The following SUMO2 variants were observed in gnomAD, a reference collection of about 807,000 sequenced individuals.
SUMO2 encodes small ubiquitin-related modifier 2.
In SUMO2, 1 loss-of-function variant was observed where a neutral mutation model predicts 16.0. That is an observed-to-expected ratio of 0.06 (90% confidence interval 0.02 to 0.30). The LOEUF (loss-of-function observed/expected upper bound fraction) is 0.30. Among genes scored for constraint, SUMO2 ranks in the 10% least tolerant of loss-of-function variants. The pLI is 1.00. For synonymous variants in SUMO2, 36 were observed against 40.6 expected (o/e 0.89, Z 0.43); for missense variants, 16 against 117.5 (o/e 0.14, Z 3.99).
chr17:75,180,920 G>A lies in SUMO2; in HGVS notation c.153+137C>T, dbSNP rs2094974143. On this transcript the variant is annotated intron_variant, in intron 2 of 3. Coordinates refer to ENST00000420826, the MANE Select transcript of SUMO2 (RefSeq NM_006937.4). ...CGAGCTATCAATATACCAAGTGCACGACAAAACTGACGTGCCAAGTGCATA... is the reference window on the plus strand; with the variant it reads ...CGAGCTATCAATATACCAAGTGCACAACAAAACTGACGTGCCAAGTGCATA... 5.1e-6 allele frequency: 5 copies of A among 979,190 alleles called. No homozygotes were observed. The South Asian group carries it at 6.6e-5, about 13-fold the overall frequency. The allele number at this position is 979,190 out of a possible 1,614,324, so 60.7% of individuals were successfully genotyped here.
chr17:75,177,293 G>A (rs1358536254), intron 2 of SUMO2, among the ~76,000 whole-genome samples: 1 of 152,044 alleles, frequency 6.6e-6, no homozygotes, highest in Non-Finnish European at 1.5e-5. Flanking sequence ...CTTGAACCCA[G>A]GAGCAGAGGT....
chr17:75,182,035 C>T (rs1278469152), intron 1 of SUMO2, among the ~76,000 whole-genome samples: 1 of 152,090 alleles, frequency 6.6e-6, no homozygotes, highest in Non-Finnish European at 1.5e-5. Flanking sequence ...ATGGGTGTCC[C>T]CAAGTCCTCC....
intron 1 of SUMO2, among the ~76,000 whole-genome samples, chr17:75,181,674 A>T (rs1402232025): frequency 1.3e-5 from 2 of 152,116 alleles, no homozygotes; most frequent in African/African-American, 4.8e-5. Context: ...ACCTAAATCC[A>T]ATCTCCATTA....
intron 2 of SUMO2, among the ~76,000 whole-genome samples, chr17:75,180,066 C>A (rs2074814903): frequency 1.3e-5 from 2 of 152,112 alleles, no homozygotes; most frequent in Admixed American, 6.6e-5. Flanking sequence ...AGGGGCCAGG[C>A]ACAGTGGCCC....
chr17:75,182,798 C>A lies in SUMO2; in HGVS notation c.21+16G>T. The A allele has an allele frequency of 7.3e-7, 1 of 1,376,124 alleles. No homozygotes were observed. Among genetic ancestry groups the A allele is most frequent in the Non-Finnish European group, 9.5e-7 (1 of 1,057,098 alleles). 85.2% of individuals were successfully genotyped at this position (1,376,124 alleles called of 1,614,324 possible). The stretch of plus-strand genomic sequence containing the variant: ...CCCACCGCGCGGCGAGGCGAAGGGG[C>A]CGGCGGCGAGCTCACCTTGGGCTTT... On this transcript the variant is annotated intron_variant, in intron 1 of 3. Coordinates refer to ENST00000420826, the MANE Select transcript of SUMO2 (RefSeq NM_006937.4).
At chr17:75,174,200 G>T (rs1166029576) in intron 3 of SUMO2, among the ~76,000 whole-genome samples, 1 of 152,152 alleles carries the variant, frequency 6.6e-6, no homozygotes, top group East Asian at 1.9e-4. Flanking sequence ...GACCAGCCTG[G>T]CCAACATGGT....
Position 75,166,220 on chromosome 17 carries a change from A to C in SUMO2, c.*2119T>G, listed in dbSNP as rs1266034152. ...GCCGGGCACAGTGGCTCAAGCCTGT[A>C]ATCTCAGCACTTTGGGAGGCCAAGG... is the stretch of plus-strand genomic sequence containing the variant. On this transcript the variant is annotated 3_prime_UTR_variant, in exon 4 of 4. Coordinates refer to ENST00000420826, the MANE Select transcript of SUMO2 (RefSeq NM_006937.4). 1 of 152,228 alleles carries C rather than the reference A, an allele frequency of 6.6e-6. No individual in the cohort carries two copies. The highest frequency in any genetic ancestry group is 1.5e-5 in the Non-Finnish European group (1 of 68,102). 9.4% of individuals were successfully genotyped at this position (152,228 alleles called of 1,614,324 possible). A position where few individuals can be genotyped will look rare whatever the true frequency, so the allele number is the denominator to read the frequency against.
At chr17:75,175,511 G>T (rs1352158818) in intron 2 of SUMO2, among the ~76,000 whole-genome samples, 1 of 151,278 alleles carries the variant, frequency 6.6e-6, no homozygotes, top group Non-Finnish European at 1.5e-5. Context: ...GTAGAAACAG[G>T]GTTTCGCCAT....
chr17:75,175,701 T>G (rs1598225201), intron 2 of SUMO2, among the ~76,000 whole-genome samples: 1 of 148,192 alleles, frequency 6.7e-6, no homozygotes, highest in East Asian at 2.1e-4. Flanking sequence ...GGTGCGATCT[T>G]GGCTCACTGC....
Position 75,182,952 on chromosome 17 carries a change from G to A in SUMO2, c.-118C>T. 2.2e-6 allele frequency: 2 copies of A among 890,366 alleles called. No homozygotes were observed. Among genetic ancestry groups the A allele is most frequent in the South Asian group, 4.8e-5 (1 of 20,902 alleles). 55.2% of individuals were successfully genotyped at this position (890,366 alleles called of 1,614,324 possible). ...AGAAGGAGGCGGCAGCGGTGGACGA[G>A]GGGAGAGGGTGCGCGCACGTCGTGC... On this transcript the variant is annotated 5_prime_UTR_variant, in exon 1 of 4. Transcript: ENST00000420826.
chr17:75,175,137 A>G (rs1027106321), intron 2 of SUMO2, among the ~76,000 whole-genome samples: 1 of 151,700 alleles, frequency 6.6e-6, no homozygotes, highest in Non-Finnish European at 1.5e-5. Flanking sequence ...CCCCCGCCAC[A>G]ACAACCGGCT....
chr17:75,172,325 CTTTTTT>C (rs71361663), intron 3 of SUMO2, among the ~76,000 whole-genome samples: 2 of 109,418 alleles, frequency 1.8e-5, no homozygotes. Context: ...TGTACCCAGA[CTTTTTT>C]TTTTTTTTTT....
intron 1 of SUMO2, 135 bp downstream of exon 1, chr17:75,182,679 C>G (rs1023572809): frequency 3.0e-6 from 2 of 669,070 alleles, no homozygotes; most frequent in African/African-American, 1.9e-5. Flanking sequence ...CGCGGAGCGC[C>G]CGGGCCTGAG....
chr17:75,177,134 C>A (rs1288198569), intron 2 of SUMO2, among the ~76,000 whole-genome samples: 1 of 150,852 alleles, frequency 6.6e-6, no homozygotes, highest in African/African-American at 2.4e-5. Flanking sequence ...TTGCAATGAG[C>A]CGAGATCGTG....
rs369027755 is a variant in SUMO2 at position 75,166,796 on chromosome 17, A to T, written c.*1543T>A. ...GGCATAACCTCTTTCAAAAAGACCT[A>T]AGACGGGAGGCTGAGGCAGGAGAAT... On this transcript the variant is annotated 3_prime_UTR_variant, in exon 4 of 4. Coordinates refer to ENST00000420826, the MANE Select transcript of SUMO2 (RefSeq NM_006937.4). 6.7e-6 allele frequency: 1 copy of T among 149,092 alleles called. No homozygotes were observed. Among genetic ancestry groups the T allele is most frequent in the African/African-American group, 2.5e-5 (1 of 40,350 alleles). 9.2% of individuals were successfully genotyped at this position (149,092 alleles called of 1,614,324 possible).
intron 2 of SUMO2, among the ~76,000 whole-genome samples, chr17:75,176,547 C>G (rs1185030802): frequency 6.6e-6 from 1 of 151,832 alleles, no homozygotes; most frequent in African/African-American, 2.4e-5. Context: ...ACCTGGGAGG[C>G]GGAGTTTGCA....
At chr17:75,181,497 T>G (rs1164900915) in intron 1 of SUMO2, among the ~76,000 whole-genome samples, 1 of 152,080 alleles carries the variant, frequency 6.6e-6, no homozygotes, top group Admixed American at 6.6e-5. Context: ...TAAAATGACA[T>G]ATATCACTCC....
At chr17:75,176,476 T>G (rs933668137) in intron 2 of SUMO2, among the ~76,000 whole-genome samples, 2 of 151,300 alleles carry the variant, frequency 1.3e-5, no homozygotes, top group Non-Finnish European at 2.9e-5. Context: ...ATTAGCCGAG[T>G]GTGGTGGCAT....
chr17:75,171,816 G>C (rs62085031), intron 3 of SUMO2, among the ~76,000 whole-genome samples: 1 of 151,990 alleles, frequency 6.6e-6, no homozygotes, highest in African/African-American at 2.4e-5. Flanking sequence ...ATAACTGAGA[G>C]TACAGCACAA....
Sources: allele counts gnomAD v4.1 joint callset (sites outside exome capture counted in the v4.1 genomes callset), GRCh38; gene constraint gnomAD v4.1.1; transcripts MANE v1.5; gene names NCBI Gene and HGNC (gene_info 2026-07-23, HGNC 2026-07-21).